The following TRPM1 variants were observed in gnomAD, a reference collection of about 807,000 sequenced individuals.
The protein encoded by TRPM1 is TRPM1-203 APA Isoform, Intron 10.
A neutral mutation model predicts 149.4 loss-of-function variants in TRPM1; 113 were observed. The ratio of observed to expected loss-of-function variants is 0.76; its 90% CI spans 0.65 to 0.88. TRPM1 has a LOEUF of 0.88. Ranked by LOEUF, TRPM1 falls within the 40% of genes least tolerant of loss-of-function variation. The pLI is 0.00. For missense variants in TRPM1, 1,976 were observed against 2,038.7 expected (o/e 0.97, Z 0.59); for synonymous variants, 741 against 759.5 (o/e 0.98, Z 0.40).
intron 1 of TRPM1, among the ~76,000 whole-genome samples, chr15:31,133,331 G>A (rs1314459152): frequency 1.3e-5 from 2 of 151,960 alleles, no homozygotes; most frequent in Non-Finnish European, 2.9e-5. Context: ...ACTTTGGGAG[G>A]CTGAGGTAGG....
intron 1 of TRPM1, among the ~76,000 whole-genome samples, chr15:31,088,705 C>A (rs1351638569): frequency 6.6e-6 from 1 of 151,916 alleles, no homozygotes; most frequent in Non-Finnish European, 1.5e-5. Flanking sequence ...ATTTGGGGGC[C>A]GTCGTATGAG....
intron 18 of TRPM1, 102 bp from the exon 19 acceptor site, chr15:31,038,268 C>A: frequency 7.5e-7 from 1 of 1,340,468 alleles, no homozygotes. Context: ...ATTCAATAAC[C>A]TAGGAGCCCT....
intron 11 of TRPM1, 66 bp downstream of exon 11, chr15:31,060,478 A>G: frequency 7.6e-7 from 1 of 1,319,970 alleles, no homozygotes; most frequent in Non-Finnish European, 1.1e-6. Context: ...ACAAGGGAGA[A>G]CATACTAATA....
intron 1 of TRPM1, among the ~76,000 whole-genome samples, chr15:31,159,432 C>T (rs1314046027): frequency 2.0e-5 from 3 of 152,196 alleles, no homozygotes; most frequent in African/African-American, 7.2e-5. Flanking sequence ...CCACCTGGCC[C>T]GGGCTGCACG....
At chr15:31,099,065 A>G (rs550842728) in intron 1 of TRPM1, among the ~76,000 whole-genome samples, 1 of 152,312 alleles carries the variant, frequency 6.6e-6, no homozygotes, top group South Asian at 2.1e-4. Context: ...AGAGGCTGGG[A>G]AAATTGCTCC....
At position 31,040,214 on chromosome 15, in the gene TRPM1, G is replaced by T; in HGVS notation, c.2220C>A (p.Ala740=). 6.2e-7 allele frequency: 1 copy of T among 1,614,214 alleles called. No homozygotes were observed. The highest frequency in any genetic ancestry group is 8.5e-7 in the Non-Finnish European group (1 of 1,180,038). Residue 740 remains alanine, a synonymous_variant, in exon 18 of 28, where the codon GCC becomes GCA. Coordinates refer to ENST00000256552, the MANE Select transcript of TRPM1 (RefSeq NM_001252024.2). The surrounding 1 kb of genome is among the most constrained non-coding windows in gnomAD (Gnocchi z 4.2). ...TGTGAGCAATGAAGTCCCGGTGTTT[G>T]GCTGCCACGGCCAGTTTGAGGCAGG... ...NSTCLKLAVA[A]KHRDFIAHTC...
In TRPM1 at chr15:31,040,039, C is replaced by T; in HGVS notation, c.2316+79G>A. The T allele has an allele frequency of 7.8e-7, 1 of 1,284,448 alleles. No homozygotes were observed. Among genetic ancestry groups the T allele is most frequent in the Non-Finnish European group, 1.1e-6 (1 of 884,848 alleles). 79.6% of individuals were successfully genotyped at this position (1,284,448 alleles called of 1,614,324 possible). A position where few individuals can be genotyped will look rare whatever the true frequency, so the allele number is the denominator to read the frequency against. On this transcript the variant is annotated intron_variant, in intron 18 of 27. Coordinates refer to ENST00000256552, the MANE Select transcript of TRPM1 (RefSeq NM_001252024.2). This position sits in a 1 kb window ranked among gnomAD's most constrained non-coding sequence, Gnocchi z 4.2. ...TAGAAGGAATAAATGAAATAAGCCA[C>T]AGAAAGTGCTCAGTTCAGCCTGGCA...
intron 1 of TRPM1, among the ~76,000 whole-genome samples, chr15:31,124,939 C>T (rs76307831): frequency 2.0e-5 from 3 of 152,092 alleles, no homozygotes; most frequent in African/African-American, 4.8e-5. Context: ...TTTGGGAGGC[C>T]GAGGTGGGCG....
chr15:31,096,596 T>C lies in TRPM1; in HGVS notation c.-84+5061A>G, dbSNP rs545073366. On this transcript the variant is annotated intron_variant, in intron 1 of 27. Coordinates refer to ENST00000256552, the MANE Select transcript of TRPM1 (RefSeq NM_001252024.2). ...GTGTTGTGTTAAGGAGCTCCCCTCA[T>C]TGCCTGAGTGCCTGGTCTGGGTTTC... is the stretch of plus-strand genomic sequence containing the variant. 2.7e-3 allele frequency among the ~76,000 whole-genome samples: 404 copies of C among 152,306 alleles called. 7 individuals carry two copies. Among genetic ancestry groups the C allele is most frequent in the African/African-American group, 9.1e-3 (379 of 41,588 alleles).
chr15:31,104,197 A>G (rs1001154306), upstream of TRPM1, among the ~76,000 whole-genome samples: 1 of 152,060 alleles, frequency 6.6e-6, no homozygotes, highest in Admixed American at 6.5e-5. Flanking sequence ...ATGAGGACAC[A>G]TTCCTCAGAG....
At chr15:31,130,804 G>C (rs1352717613) in intron 1 of TRPM1, among the ~76,000 whole-genome samples, 1 of 152,048 alleles carries the variant, frequency 6.6e-6, no homozygotes, top group Non-Finnish European at 1.5e-5. Context: ...TCCCGGGCCC[G>C]CTACCTGCCA....
rs1282147498 is a variant in TRPM1 at position 31,107,649 on chromosome 15, T to G, written c.55-30665A>C. 2.0e-5 allele frequency among the ~76,000 whole-genome samples: 3 copies of G among 151,984 alleles called. No homozygotes were observed. The South Asian group carries it at 6.2e-4, about 32-fold the overall frequency. On this transcript the variant is annotated intron_variant, in intron 1 of 26. Coordinates refer to the TRPM1 transcript ENST00000542188. ...CTATTTTCTAAAGTTGAAGGTTAGGTTATTTATTTGAGATCTTTCATTCTT... is the reference window on the plus strand; with the variant it reads ...CTATTTTCTAAAGTTGAAGGTTAGGGTATTTATTTGAGATCTTTCATTCTT...
intron 25 of TRPM1, among the ~76,000 whole-genome samples, 186 bp from the exon 26 acceptor site, chr15:31,027,303 G>A (rs957421003): frequency 2.6e-5 from 4 of 152,142 alleles, no homozygotes; most frequent in African/African-American, 9.7e-5. Context: ...CTGTGCTTAA[G>A]GACATTGTAT....
intron 27 of TRPM1, among the ~76,000 whole-genome samples, chr15:31,011,891 C>T (rs921482372): frequency 6.6e-5 from 10 of 152,036 alleles, no homozygotes; most frequent in Non-Finnish European, 2.9e-5. Flanking sequence ...CTTGAACTCT[C>T]GACCTCAGGT....
At chr15:31,010,257 C>A (rs2032136329) in intron 27 of TRPM1, among the ~76,000 whole-genome samples, 1 of 152,190 alleles carries the variant, frequency 6.6e-6, no homozygotes, top group South Asian at 2.1e-4. Flanking sequence ...GATTCCAATG[C>A]CAGTTCAGTT....
chr15:31,124,673 A>AC (rs2035922686), intron 1 of TRPM1, among the ~76,000 whole-genome samples: 1 of 150,886 alleles, frequency 6.6e-6, no homozygotes, highest in South Asian at 2.1e-4. Context: ...AAAAAAAAAA[A>AC]AGTCAATCTG....
At chr15:31,160,771 T>C in intron 1 of TRPM1, 17 of 917,766 alleles carry the variant, frequency 1.9e-5, no homozygotes, top group Admixed American at 1.0e-4. Flanking sequence ...GAACACCCCA[T>C]GCCCCATGCC....
At chr15:31,098,569 G>A (rs2035444701) in intron 1 of TRPM1, among the ~76,000 whole-genome samples, 1 of 152,248 alleles carries the variant, frequency 6.6e-6, no homozygotes, top group South Asian at 2.1e-4. Context: ...TATTCATGTA[G>A]TATGCTTTTT....
intron 1 of TRPM1, among the ~76,000 whole-genome samples, chr15:31,125,001 C>G (rs1331810819): frequency 6.6e-6 from 1 of 151,958 alleles, no homozygotes; most frequent in African/African-American, 2.4e-5. Flanking sequence ...TGGTGAAACC[C>G]CGTCTCTTTC....
Sources: allele counts gnomAD v4.1 joint callset (sites outside exome capture counted in the v4.1 genomes callset), GRCh38; gene constraint gnomAD v4.1.1; non-coding constraint Gnocchi (gnomAD v3.1); transcripts MANE v1.5; gene names NCBI Gene and HGNC (gene_info 2026-07-23, HGNC 2026-07-21).